Variants in TEAD1 observed in about 807,000 individuals in gnomAD.
The protein encoded by TEAD1 is transcriptional enhancer factor TEF-1.
TEAD1 carries 9 observed loss-of-function variants against 54.9 expected under a neutral mutation model. The ratio of observed to expected loss-of-function variants is 0.16; its 90% CI spans 0.10 to 0.29. The LOEUF is 0.29. Ranked by LOEUF, TEAD1 falls within the 10% of genes least tolerant of loss-of-function variation. TEAD1 has a pLI of 1.00. For missense variants in TEAD1, 387 were observed against 535.9 expected (o/e 0.72, Z 2.74); for synonymous variants, 200 against 187.8 (o/e 1.07, Z -0.53).
At chr11:12,809,974 C>CTTTTTTT (rs55647097) in intron 3 of TEAD1, among the ~76,000 whole-genome samples, 26 of 115,636 alleles carry the variant, frequency 2.2e-4, no homozygotes, top group African/African-American at 5.9e-4. Flanking sequence ...TTTCCCCATT[C>CTTTTTTT]TTTTTTTTTT....
At chr11:12,855,294 TTTTTC>T (rs1947355228) in intron 3 of TEAD1, among the ~76,000 whole-genome samples, 4 of 152,238 alleles carry the variant, frequency 2.6e-5, no homozygotes, top group African/African-American at 9.6e-5. Context: ...CTTTCTTTCT[TTTTTC>T]TTTTTTGTTG....
intron 5 of TEAD1, among the ~76,000 whole-genome samples, chr11:12,872,338 C>T (rs921682387): frequency 7.2e-5 from 11 of 152,206 alleles, no homozygotes; most frequent in African/African-American, 2.7e-4. Flanking sequence ...GAGCAACAAC[C>T]TCCTTTGTCT....
chr11:12,888,539 C>A (rs955336870), intron 9 of TEAD1, among the ~76,000 whole-genome samples: 1 of 152,058 alleles, frequency 6.6e-6, no homozygotes, highest in Non-Finnish European at 1.5e-5. Context: ...TACTTTGGTA[C>A]CACCAAAGCC....
At chr11:12,774,272 A>G (rs1309336618) in intron 3 of TEAD1, among the ~76,000 whole-genome samples, 1 of 152,204 alleles carries the variant, frequency 6.6e-6, no homozygotes, top group Non-Finnish European at 1.5e-5. Flanking sequence ...GGCGATGGAC[A>G]TGGGAGATGA....
intron 2 of TEAD1, among the ~76,000 whole-genome samples, chr11:12,687,837 C>T (rs1476884939): frequency 6.6e-6 from 1 of 152,132 alleles, no homozygotes; most frequent in Admixed American, 6.5e-5. Flanking sequence ...GTACCCCTCA[C>T]CCCCGTGACT....
rs997622976 is a variant in TEAD1, at chr11:12,698,365, A to C, written c.-55+22804A>C. ...AAGGTGAAGTGGGGGTGGAGGATGG[A>C]GGGCAGGTGGGGTCTGGAGATGGTA... is the stretch of plus-strand genomic sequence containing the variant. On this transcript the variant is annotated intron_variant, in intron 2 of 12. Coordinates refer to ENST00000527636, the MANE Select transcript of TEAD1 (RefSeq NM_021961.6). 2.0e-5 allele frequency among the ~76,000 whole-genome samples: 3 copies of C among 152,058 alleles called. No homozygotes were observed. The East Asian group carries it at 5.8e-4, about 29-fold the overall frequency.
At chr11:12,912,638 G>A (rs903708997) in intron 10 of TEAD1, among the ~76,000 whole-genome samples, 2 of 152,124 alleles carry the variant, frequency 1.3e-5, no homozygotes. Context: ...AGCCTAAAAC[G>A]TAGTAGGAAT....
At chr11:12,752,627 C>G (rs1258441763) in intron 2 of TEAD1, among the ~76,000 whole-genome samples, 2 of 151,880 alleles carry the variant, frequency 1.3e-5, no homozygotes, top group Non-Finnish European at 2.9e-5. Context: ...TATTGCTGTC[C>G]CATAGAACTT....
chr11:12,832,260 C>T (rs1209650602), intron 3 of TEAD1, among the ~76,000 whole-genome samples: 1 of 152,116 alleles, frequency 6.6e-6, no homozygotes, highest in Non-Finnish European at 1.5e-5. Flanking sequence ...AGCAAGCAAA[C>T]TAACAAAAAA....
At chr11:12,930,594 G>A (rs1948994657) in intron 12 of TEAD1, among the ~76,000 whole-genome samples, 1 of 152,192 alleles carries the variant, frequency 6.6e-6, no homozygotes, top group Admixed American at 6.5e-5. Flanking sequence ...AAAGTGATGT[G>A]TTTTTATCTC....
intron 3 of TEAD1, among the ~76,000 whole-genome samples, chr11:12,835,866 A>G (rs1007439862): frequency 1.3e-5 from 2 of 152,148 alleles, no homozygotes; most frequent in African/African-American, 2.4e-5. Flanking sequence ...GTCTTAGTCA[A>G]CGGGTACAAA....
chr11:12,756,336 C>T (rs977366901), intron 2 of TEAD1, among the ~76,000 whole-genome samples: 14 of 152,218 alleles, frequency 9.2e-5, no homozygotes, highest in Non-Finnish European at 2.9e-5. Flanking sequence ...TTCCCATTCC[C>T]TGAGAATTCT....
At chr11:12,718,382 GA>G (rs1263490273) in intron 2 of TEAD1, among the ~76,000 whole-genome samples, 2 of 152,188 alleles carry the variant, frequency 1.3e-5, no homozygotes, top group Non-Finnish European at 2.9e-5. Flanking sequence ...ACAAGATAAT[GA>G]AAGTCAAAGT....
chr11:12,917,042 A>G (rs1240763282), intron 10 of TEAD1, among the ~76,000 whole-genome samples: 3 of 152,234 alleles, frequency 2.0e-5, no homozygotes, highest in African/African-American at 7.2e-5. Flanking sequence ...CTCTGTAGCC[A>G]TGGAATCTGT....
chr11:12,783,133 T>TGTGTGTGTGTGTGTGTGTGCGC (rs1198828193), intron 3 of TEAD1, among the ~76,000 whole-genome samples: 59 of 145,566 alleles, frequency 4.1e-4, no homozygotes, highest in African/African-American at 1.4e-3. Flanking sequence ...TGTGTGTGTG[T>TGTGTGTGTGTGTGTGTGTGCGC]GCGCGCACTT....
At chr11:12,710,917 AT>A in intron 2 of TEAD1, among the ~76,000 whole-genome samples, 1 of 152,272 alleles carries the variant, frequency 6.6e-6, no homozygotes. Context: ...TGGAGATGGC[AT>A]TGCAGGCAGA....
intron 11 of TEAD1, among the ~76,000 whole-genome samples, chr11:12,927,303 A>G (rs1019181544): frequency 2.6e-5 from 4 of 152,320 alleles, no homozygotes; most frequent in African/African-American, 9.6e-5. Flanking sequence ...ACCACTTATG[A>G]AATGATTCAT....
At chr11:12,776,301 T>G (rs1413808660) in intron 3 of TEAD1, among the ~76,000 whole-genome samples, 1 of 152,148 alleles carries the variant, frequency 6.6e-6, no homozygotes, top group Non-Finnish European at 1.5e-5. Flanking sequence ...TCCACATCCA[T>G]TCCTTGAATG....
At chr11:12,693,042 T>G (rs1943495330) in intron 2 of TEAD1, among the ~76,000 whole-genome samples, 1 of 152,184 alleles carries the variant, frequency 6.6e-6, no homozygotes, top group South Asian at 2.1e-4. Context: ...GTGGGGATAG[T>G]GGGGAGAACC....
Sources: gnomAD v4.1 joint callset for allele counts (sites outside exome capture counted in the v4.1 genomes callset) on GRCh38, gnomAD v4.1.1 for gene constraint, MANE v1.5 for transcripts, NCBI Gene and HGNC (gene_info 2026-07-23, HGNC 2026-07-21) for gene names.